The following ACBD6 variants were observed in gnomAD, a reference collection of about 807,000 sequenced individuals.
ACBD6 encodes the protein acyl-CoA binding domain containing 6.
In ACBD6, 28 loss-of-function variants were observed where a neutral mutation model predicts 37.2. That is an observed-to-expected ratio of 0.75 (90% CI 0.56 to 1.03). The LOEUF is 1.03. ACBD6 is among the 50% of genes least tolerant of loss of function. ACBD6 has a pLI of 0.00. For missense variants in ACBD6, 340 were observed against 337.4 expected, an observed-to-expected ratio of 1.01 and a Z score of -0.06; for synonymous variants, 113 against 126.8, an observed-to-expected ratio of 0.89 and a Z score of 0.73.
At chr1:180,477,575 A>AT (rs959355947) in intron 3 of ACBD6, among the ~76,000 whole-genome samples, 6 of 151,716 alleles carry the variant, frequency 4.0e-5, no homozygotes, top group South Asian at 2.1e-4. Context: ...ATTAGAACGA[A>AT]TTTTTTTTTC....
intron 4 of ACBD6, among the ~76,000 whole-genome samples, chr1:180,423,240 C>G (rs1420971021): frequency 6.6e-6 from 1 of 152,138 alleles, no homozygotes; most frequent in Non-Finnish European, 1.5e-5. Flanking sequence ...TGAAAAACAT[C>G]AACGTATAAG....
intron 6 of ACBD6, among the ~76,000 whole-genome samples, chr1:180,340,266 C>G (rs1651928463): frequency 1.3e-5 from 2 of 152,138 alleles, no homozygotes; most frequent in African/African-American, 4.8e-5. Flanking sequence ...CTTGACTTCA[C>G]TTATGGGTTA....
intron 3 of ACBD6, among the ~76,000 whole-genome samples, chr1:180,472,752 T>G (rs917431730): frequency 1.3e-5 from 2 of 152,112 alleles, no homozygotes; most frequent in Admixed American, 1.3e-4. Context: ...CTTTAAAAAT[T>G]TAAGAAGATG....
At chr1:180,380,319 C>T (rs1360975295) in intron 6 of ACBD6, among the ~76,000 whole-genome samples, 1 of 151,784 alleles carries the variant, frequency 6.6e-6, no homozygotes, top group Non-Finnish European at 1.5e-5. Flanking sequence ...ATTCTAAAAC[C>T]AGAGAGAGAA....
chr1:180,291,739 T>C (rs1439117069), intron 7 of ACBD6, among the ~76,000 whole-genome samples: 1 of 152,204 alleles, frequency 6.6e-6, no homozygotes, highest in Non-Finnish European at 1.5e-5. Context: ...TTTGTGCTTG[T>C]GTTCCATCTA....
intron 7 of ACBD6, among the ~76,000 whole-genome samples, chr1:180,288,742 C>A (rs1649584566): frequency 6.6e-6 from 1 of 152,122 alleles, no homozygotes; most frequent in African/African-American, 2.4e-5. Context: ...TAGGAACACA[C>A]ACGCAAACAA....
At chr1:180,340,522 A>G (rs1158227248) in intron 6 of ACBD6, among the ~76,000 whole-genome samples, 1 of 152,102 alleles carries the variant, frequency 6.6e-6, no homozygotes, top group Non-Finnish European at 1.5e-5. Context: ...ATTTTGTTGT[A>G]AAAAGGAGGA....
chr1:180,453,066 T>C (rs1355454666), intron 3 of ACBD6, among the ~76,000 whole-genome samples: 6 of 152,264 alleles, frequency 3.9e-5, no homozygotes. Context: ...ACTCATTTTA[T>C]GAGGCCAGCA....
chr1:180,402,688 G>C (rs1016514795), intron 5 of ACBD6, among the ~76,000 whole-genome samples: 1 of 151,826 alleles, frequency 6.6e-6, no homozygotes, highest in East Asian at 1.9e-4. Context: ...AGCTACTCAG[G>C]AGGCTCGGCT....
chr1:180,306,490 A>C (rs1240342302), intron 7 of ACBD6, among the ~76,000 whole-genome samples: 1 of 152,204 alleles, frequency 6.6e-6, no homozygotes, highest in African/African-American at 2.4e-5. Context: ...CACCCAAGGT[A>C]ATCATTATCC....
chr1:180,379,768 A>G (rs1057373196), intron 6 of ACBD6, among the ~76,000 whole-genome samples: 1 of 152,226 alleles, frequency 6.6e-6, no homozygotes, highest in Non-Finnish European at 1.5e-5. Context: ...ATGGGCCACC[A>G]TAAAATGACC....
intron 2 of ACBD6, among the ~76,000 whole-genome samples, chr1:180,494,648 A>G (rs1651657771): frequency 6.6e-6 from 1 of 152,214 alleles, no homozygotes; most frequent in Non-Finnish European, 1.5e-5. Flanking sequence ...AATGTAAAGT[A>G]AGAACCCATA....
chr1:180,311,686 G>A (rs1370137459), intron 7 of ACBD6, among the ~76,000 whole-genome samples: 3 of 152,176 alleles, frequency 2.0e-5, no homozygotes, highest in African/African-American at 7.2e-5. Flanking sequence ...GGAGGAGAGG[G>A]AGCTCTGTGT....
Position 180,426,221 on chromosome 1 carries a change from C to A in ACBD6, c.467+3959G>T, listed in dbSNP as rs74132842. Among the ~76,000 whole-genome samples, 1,014 of 152,280 alleles carry A rather than the reference C, an allele frequency of 6.7e-3. 17 individuals carry two copies. Among genetic ancestry groups the A allele is most frequent in the African/African-American group, 0.023 (968 of 41,568 alleles). On this transcript the variant is annotated intron_variant, in intron 4 of 7. Coordinates refer to ENST00000367595, the MANE Select transcript of ACBD6 (RefSeq NM_032360.4). ...CTGTGTAAGCAGAATTAATAAAATT[C>A]TAATAGATTACATGACATCAAACTA...
chr1:180,452,737 CACT>C (rs1649762794), intron 3 of ACBD6, among the ~76,000 whole-genome samples: 1 of 152,028 alleles, frequency 6.6e-6, no homozygotes, highest in Admixed American at 6.5e-5. Flanking sequence ...GGGATATCAC[CACT>C]GATCCTACAG....
At chr1:180,471,585 C>T (rs972495752) in intron 3 of ACBD6, among the ~76,000 whole-genome samples, 1 of 151,954 alleles carries the variant, frequency 6.6e-6, no homozygotes, top group Non-Finnish European at 1.5e-5. Flanking sequence ...TACATGGTGA[C>T]GGCAAGAGAA....
chr1:180,345,831 T>A (rs954147938), intron 6 of ACBD6, among the ~76,000 whole-genome samples: 3 of 152,202 alleles, frequency 2.0e-5, no homozygotes, highest in African/African-American at 4.8e-5. Flanking sequence ...AAACAGTATG[T>A]CTATATGTTT....
At chr1:180,472,118 T>C (rs1014704491) in intron 3 of ACBD6, among the ~76,000 whole-genome samples, 1 of 152,226 alleles carries the variant, frequency 6.6e-6, no homozygotes, top group Non-Finnish European at 1.5e-5. Flanking sequence ...AGGCCAGACC[T>C]GAGGAGCTCC....
chr1:180,435,599 G>T, intron 3 of ACBD6: 1 of 1,084,368 alleles, frequency 9.2e-7, no homozygotes, highest in Non-Finnish European at 1.4e-6. Context: ...GAGCAACTTT[G>T]CAGTTGGCTA....
Sources: allele counts gnomAD v4.1 joint callset (sites outside exome capture counted in the v4.1 genomes callset), GRCh38; gene constraint gnomAD v4.1.1; transcripts MANE v1.5; gene names NCBI Gene and HGNC (gene_info 2026-07-23, HGNC 2026-07-21).